The following TBCCD1 variants were observed in gnomAD, a reference collection of about 807,000 sequenced individuals.
TBCCD1 encodes the protein TBCC domain-containing protein 1.
A neutral mutation model predicts 53.4 loss-of-function variants in TBCCD1; 26 were observed. That is an observed-to-expected ratio of 0.49 (90% CI 0.36 to 0.68). The LOEUF (loss-of-function observed/expected upper bound fraction) is 0.68, where lower values mean the gene tolerates loss of function less well. TBCCD1 is among the 30% of genes least tolerant of loss of function. The pLI, the probability that TBCCD1 is intolerant of heterozygous loss-of-function variation, is 0.00. For synonymous variants in TBCCD1, 245 were observed against 241.7 expected (o/e 1.01, Z -0.13); for missense variants, 558 against 669.5 (o/e 0.83, Z 1.84).
chr3:186,559,033 CT>C (rs1419977812), intron 2 of TBCCD1, among the ~76,000 whole-genome samples: 2 of 152,350 alleles, frequency 1.3e-5, no homozygotes, highest in African/African-American at 4.8e-5. Context: ...GCGTGAACCC[CT>C]GTGCCTGGCC....
intron 7 of TBCCD1, among the ~76,000 whole-genome samples, chr3:186,548,890 T>C (rs1714287012): frequency 6.6e-6 from 1 of 152,036 alleles, no homozygotes; most frequent in African/African-American, 2.4e-5. Context: ...CTATGTGAGG[T>C]TCTAATGTTA....
intron 2 of TBCCD1, among the ~76,000 whole-genome samples, chr3:186,559,409 T>C (rs1205963633): frequency 2.0e-5 from 3 of 152,140 alleles, no homozygotes; most frequent in African/African-American, 7.2e-5. Flanking sequence ...TAAAGGGGTG[T>C]TTCACTTAAA....
chr3:186,556,822 A>C, intron 3 of TBCCD1, 47 bp from the exon 4 acceptor site: 2 of 1,561,446 alleles, frequency 1.3e-6, no homozygotes, highest in Non-Finnish European at 1.7e-6. Context: ...AGATTCCACA[A>C]GATCTAAAAT....
chr3:186,551,393 T>C lies in TBCCD1; in HGVS notation c.1545-114A>G. 5.4e-6 allele frequency: 6 copies of C among 1,112,630 alleles called. No homozygotes were observed. The South Asian group carries it at 9.8e-5, about 18-fold the overall frequency. The allele number at this position is 1,112,630 out of a possible 1,614,324, so 68.9% of individuals were successfully genotyped here. ...TAATGTTAAATGATTAATTATTTCTTGTTATCCTTTTGTTCTCACTGTTCA... is the reference window on the plus strand; with the variant it reads ...TAATGTTAAATGATTAATTATTTCTCGTTATCCTTTTGTTCTCACTGTTCA... On this transcript the variant is annotated intron_variant, in intron 6 of 7. Transcript: ENST00000338733.
chr3:186,549,151 G>A (rs771368930), intron 7 of TBCCD1, among the ~76,000 whole-genome samples: 7 of 152,030 alleles, frequency 4.6e-5, no homozygotes, highest in Non-Finnish European at 7.4e-5. Context: ...AGCCGGGTGC[G>A]GTGGCCGGTT....
Position 186,556,741 on chromosome 3 carries a change from T to C in TBCCD1, c.527A>G (p.Tyr176Cys), listed in dbSNP as rs776978034. The C allele has an allele frequency of 6.6e-5, 107 of 1,613,970 alleles. No homozygotes were observed. Among genetic ancestry groups the C allele is most frequent in the Middle Eastern group, 1.6e-4 (1 of 6,076 alleles). ...WNDYSHQAFV[Y>C]DHLSDLLELL... ...CTCGAGGAGATCAGACAGATGATCA[T>C]AGACAAAAGCTTGGTGACTGTAATC... Residue 176 changes from tyrosine to cysteine, a missense_variant, in exon 4 of 8, where the codon TAT (tyrosine) becomes TGT (cysteine). Physicochemically the swap from Tyr to Cys is radical, Grantham distance 194. Transcript: ENST00000338733.
In TBCCD1 at chr3:186,565,918, C is replaced by T. The variant is rs1051565713; in HGVS notation, c.-44+1349G>A. 2.6e-5 allele frequency among the ~76,000 whole-genome samples: 4 copies of T among 152,154 alleles called. No homozygotes were observed. The East Asian group carries it at 7.7e-4, about 29-fold the overall frequency. On this transcript the variant is annotated intron_variant, in intron 1 of 7. Coordinates refer to ENST00000338733, the MANE Select transcript of TBCCD1 (RefSeq NM_018138.5). ...ACCTACTTCACTGTGCACTCCTCAA[C>T]ATTAGCAACATCATTTTTTTAAAAA...
rs1270393289 is a variant in TBCCD1, at chr3:186,556,606, C to A, written c.662G>T (p.Ser221Ile). 1 of 1,614,048 alleles carries A rather than the reference C, an allele frequency of 6.2e-7. No homozygotes were observed. Among genetic ancestry groups the A allele is most frequent in the African/African-American group, 1.3e-5 (1 of 74,902 alleles). The change falls in exon 4 of 8, where the codon AGT (serine) becomes ATT (isoleucine). Residue 221 changes from serine (S) to isoleucine (I), a missense_variant. Transcript: ENST00000338733. ...AAGTGGATAGATCTTCCTGGCTCTACTTATTGTACCTTCAATAAGGAAGCT... is the reference window on the plus strand; with the variant it reads ...AAGTGGATAGATCTTCCTGGCTCTAATTATTGTACCTTCAATAAGGAAGCT... Reference protein sequence around the residue: ...ALSFLIEGTISRARKIYPLHE... With the variant: ...ALSFLIEGTIIRARKIYPLHE...
chr3:186,548,011 G>A (rs144721659), intron 7 of TBCCD1, among the ~76,000 whole-genome samples: 5 of 152,204 alleles, frequency 3.3e-5, no homozygotes, highest in African/African-American at 4.8e-5. Flanking sequence ...TCACAATTCC[G>A]CTTCTAGGTA....
At chr3:186,555,573 T>C (rs1256271154) in intron 4 of TBCCD1, among the ~76,000 whole-genome samples, 1 of 152,196 alleles carries the variant, frequency 6.6e-6, no homozygotes, top group African/African-American at 2.4e-5. Flanking sequence ...TTCTTCTTTT[T>C]TGTGAGACGG....
intron 2 of TBCCD1, among the ~76,000 whole-genome samples, chr3:186,558,969 T>C (rs1000576238): frequency 6.6e-6 from 1 of 152,218 alleles, no homozygotes; most frequent in Admixed American, 6.5e-5. Flanking sequence ...GGTCTTGAAC[T>C]CCTGACCTCA....
At chr3:186,548,114 C>T (rs2108451763) in intron 7 of TBCCD1, among the ~76,000 whole-genome samples, 1 of 152,272 alleles carries the variant, frequency 6.6e-6, no homozygotes, top group East Asian at 1.9e-4. Flanking sequence ...AAAGTAGACA[C>T]AAGCCAAATG....
In TBCCD1 at chr3:186,546,869, C is replaced by T. The variant is rs1166372578; in HGVS notation, c.*108G>A. On this transcript the variant is annotated 3_prime_UTR_variant, in exon 8 of 8. Coordinates refer to ENST00000338733, the MANE Select transcript of TBCCD1 (RefSeq NM_018138.5). ...AAAAAAGACAGAAAAGTCCCAATGT[C>T]TCTTAAGCAGCAATAGCACCTTCCC... 1.3e-5 allele frequency: 2 copies of T among 151,198 alleles called. No homozygotes were observed. The highest frequency in any genetic ancestry group is 2.4e-5 in the African/African-American group (1 of 41,138). 9.4% of individuals were successfully genotyped at this position (151,198 alleles called of 1,614,324 possible). A position where few individuals can be genotyped will look rare whatever the true frequency, so the allele number is the denominator to read the frequency against.
chr3:186,563,233 G>A (rs1187305473), intron 2 of TBCCD1, among the ~76,000 whole-genome samples: 2 of 152,224 alleles, frequency 1.3e-5, no homozygotes, highest in Non-Finnish European at 2.9e-5. Flanking sequence ...CTAAGCCACT[G>A]AAATACTGGG....
At chr3:186,568,920 A>AAG (rs1553849477), upstream of TBCCD1, among the ~76,000 whole-genome samples, 89 of 149,542 alleles carry the variant, frequency 6.0e-4, no homozygotes, top group African/African-American at 2.2e-3. Context: ...AAAAAGAAAT[A>AAG]AAGAAAAGAA....
intron 6 of TBCCD1, 132 bp downstream of exon 6, chr3:186,554,122 A>G (rs1714453939): frequency 7.8e-7 from 1 of 1,279,744 alleles, no homozygotes; most frequent in East Asian, 2.4e-5. Flanking sequence ...TGCTGGGATT[A>G]TAGGCGTGAG....
At position 186,554,563 on chromosome 3, in the gene TBCCD1, T is replaced by C. The variant is rs897431797; in HGVS notation, c.1235A>G (p.Gln412Arg). 2 of 1,614,244 alleles carry C rather than the reference T, an allele frequency of 1.2e-6. No homozygotes were observed. The highest frequency in any genetic ancestry group is 2.7e-5 in the African/African-American group (2 of 75,074). The change falls in exon 6 of 8, where the codon CAG becomes CGG. Residue 412 changes from glutamine to arginine, a missense_variant. Physicochemically the swap from Gln to Arg is conservative, Grantham distance 43. Transcript: ENST00000338733. The part of the protein sequence containing the change: ...PTRPLILSGN[Q>R]TVTFAPFHTH... ...ATGAAAAGGGGCAAAAGTTACTGTC[T>C]GGTTCCCAGAGAGAATAAGTGGGCG...
At chr3:186,568,319 AG>A (rs1018437625), upstream of TBCCD1, among the ~76,000 whole-genome samples, 1 of 152,148 alleles carries the variant, frequency 6.6e-6, no homozygotes, top group African/African-American at 2.4e-5. Flanking sequence ...ATACATATTA[AG>A]GAATAAAATA....
chr3:186,564,187 G>A lies in TBCCD1; in HGVS notation c.143C>T (p.Ala48Val), dbSNP rs750783799. Reference sequence around the variant, plus strand: ...TGTAGACCAGTAGAGGCGCGGGTAAGCTCCTTCTGTGGCCCGGATTTGCAC... The same window carrying A: ...TGTAGACCAGTAGAGGCGCGGGTAAACTCCTTCTGTGGCCCGGATTTGCAC... ...TYVQIRATEG[A>V]YPRLYWSTWR... is the part of the protein sequence containing the mutation. The change falls in exon 2 of 8, where the codon GCT (alanine) becomes GTT (valine). Residue 48 changes from alanine to valine, a missense_variant. Transcript: ENST00000338733. 2.5e-6 allele frequency: 4 copies of A among 1,614,194 alleles called. No homozygotes were observed. In the South Asian group the frequency reaches 4.4e-5, roughly 18 times the overall value.
Sources: allele counts gnomAD v4.1 joint callset (sites outside exome capture counted in the v4.1 genomes callset), GRCh38; gene constraint gnomAD v4.1.1; transcripts MANE v1.5; gene names NCBI Gene and HGNC (gene_info 2026-07-23, HGNC 2026-07-21).